Variants in MDM4 observed in about 807,000 individuals in gnomAD.
MDM4 encodes the protein MDM4 regulator of p53, also known as protein Mdm4.
In MDM4, 2 loss-of-function variants were observed where a neutral mutation model predicts 60.2. That is an observed-to-expected ratio of 0.03 (90% CI 0.01 to 0.10). The LOEUF is 0.10. Among genes scored for constraint, MDM4 ranks in the 10% least tolerant of loss-of-function variants. MDM4 has a pLI of 1.00. For missense variants in MDM4, 447 were observed against 577.5 expected (o/e 0.77, Z 2.32); for synonymous variants, 202 against 198.1 (o/e 1.02, Z -0.17).
intron 3 of MDM4, among the ~76,000 whole-genome samples, chr1:204,530,048 T>C (rs1660710060): frequency 6.6e-6 from 1 of 152,112 alleles, no homozygotes; most frequent in Non-Finnish European, 1.5e-5. Context: ...GGCTAAGTTT[T>C]GTATGTTATG....
At position 204,522,483 on chromosome 1, in the gene MDM4, C is replaced by T. The variant is rs189238793; in HGVS notation, c.-35-3001C>T. Among the ~76,000 whole-genome samples the T allele has an allele frequency of 7.0e-3, 1,070 of 151,928 alleles. 12 individuals carry two copies. The highest frequency in any genetic ancestry group is 0.024 in the African/African-American group (988 of 41,332). ...CACGATCTCGGCTCACTGCAACCTCCGCTTCCCAAGTTCAGGCGATTCTCC... is the reference window on the plus strand; with the variant it reads ...CACGATCTCGGCTCACTGCAACCTCTGCTTCCCAAGTTCAGGCGATTCTCC... On this transcript the variant is annotated intron_variant, in intron 1 of 10. Transcript: ENST00000367182.
At chr1:204,528,787 C>G in intron 3 of MDM4, 1 of 1,086,564 alleles carries the variant, frequency 9.2e-7, no homozygotes, top group Non-Finnish European at 1.4e-6. Flanking sequence ...GTACTTCTGT[C>G]ACTCTAGGAA....
Position 204,555,289 on chromosome 1 carries a change from G to T in MDM4, c.*5607G>T, listed in dbSNP as rs1663464272. On this transcript the variant is annotated 3_prime_UTR_variant, in exon 11 of 11. Transcript: ENST00000367182. ...CCTGCCTCAGCCTCCCTAGTAGCTG[G>T]GACTATAGGCGCCCGCCACCACGCC... 3 of 169,156 alleles carry T rather than the reference G, an allele frequency of 1.8e-5. No homozygotes were observed. Among genetic ancestry groups the T allele is most frequent in the South Asian group, 4.0e-4 (2 of 4,954 alleles). 10.5% of individuals were successfully genotyped at this position (169,156 alleles called of 1,614,324 possible). A position where few individuals can be genotyped will look rare whatever the true frequency, so the allele number is the denominator to read the frequency against.
At chr1:204,533,959 G>T (rs1391076457) in intron 5 of MDM4, among the ~76,000 whole-genome samples, 2 of 151,526 alleles carry the variant, frequency 1.3e-5, no homozygotes, top group African/African-American at 4.9e-5. Flanking sequence ...GGCTAATTTT[G>T]TTTTTTTGTA....
At chr1:204,535,349 G>A (rs1661293992) in intron 5 of MDM4, among the ~76,000 whole-genome samples, 1 of 151,624 alleles carries the variant, frequency 6.6e-6, no homozygotes, top group Non-Finnish European at 1.5e-5. Flanking sequence ...AGTAGAGACG[G>A]GGTTTCACCG....
At chr1:204,520,463 C>T (rs913766275) in intron 1 of MDM4, among the ~76,000 whole-genome samples, 1 of 149,288 alleles carries the variant, frequency 6.7e-6, no homozygotes, top group Admixed American at 6.7e-5. Context: ...AAAAGGAAAG[C>T]AAGGGAAATG....
At position 204,538,259 on chromosome 1, in the gene MDM4, T is replaced by G; in HGVS notation, c.462T>G (p.Asp154Glu). Residue 154 changes from aspartate to glutamate, a missense_variant, in exon 7 of 11, where the codon GAT (aspartate) becomes GAG (glutamate). Asp to Glu is a conservative substitution (Grantham distance 45). Coordinates refer to ENST00000367182, the MANE Select transcript of MDM4 (RefSeq NM_002393.5). ...STSRKRTTEDDIPTLPTSEHK... is the reference protein window; with the variant it reads ...STSRKRTTEDEIPTLPTSEHK... ...CCAGAAAAAGAACTACAGAAGACGA[T>G]ATCCCCACACTGCCTACCTCAGAGC... is the stretch of plus-strand genomic sequence containing the variant. 1 of 1,611,984 alleles carries G rather than the reference T, an allele frequency of 6.2e-7. No individual in the cohort carries two copies. Among genetic ancestry groups the G allele is most frequent in the Non-Finnish European group, 8.5e-7 (1 of 1,178,036 alleles).
chr1:204,524,700 C>A (rs574325108), intron 1 of MDM4, among the ~76,000 whole-genome samples: 46 of 152,346 alleles, frequency 3.0e-4, no homozygotes, highest in African/African-American at 1.1e-3. Context: ...TCGCTTGAAC[C>A]TGGGAAGCAG....
intron 10 of MDM4, among the ~76,000 whole-genome samples, chr1:204,547,488 A>G (rs1431493272): frequency 6.6e-6 from 1 of 152,166 alleles, no homozygotes; most frequent in Non-Finnish European, 1.5e-5. Flanking sequence ...CAGGTAACAC[A>G]CTATGGGAAA....
At position 204,526,513 on chromosome 1, in the gene MDM4, G is replaced by A. The variant is rs1446788685; in HGVS notation, c.153+79G>A. 5 of 1,045,452 alleles carry A rather than the reference G, an allele frequency of 4.8e-6. No homozygotes were observed. The African/African-American group carries it at 6.5e-5, about 14-fold the overall frequency. 64.8% of individuals were successfully genotyped at this position (1,045,452 alleles called of 1,614,324 possible). On this transcript the variant is annotated intron_variant, in intron 3 of 10. Coordinates refer to ENST00000367182, the MANE Select transcript of MDM4 (RefSeq NM_002393.5). ...GAGTCTCCCTCTTTTGCCCAGGCTGGAGTGCAGTGGTGCGATCTCAGATCA... is the reference window on the plus strand; with the variant it reads ...GAGTCTCCCTCTTTTGCCCAGGCTGAAGTGCAGTGGTGCGATCTCAGATCA...
In MDM4 at chr1:204,555,383, G is replaced by A. The variant is rs1663470762; in HGVS notation, c.*5701G>A. 1.3e-5 allele frequency: 2 copies of A among 157,404 alleles called. No individual in the cohort carries two copies. Among genetic ancestry groups the A allele is most frequent in the Non-Finnish European group, 2.8e-5 (2 of 71,112 alleles). 9.8% of individuals were successfully genotyped at this position (157,404 alleles called of 1,614,324 possible). A position where few individuals can be genotyped will look rare whatever the true frequency, so the allele number is the denominator to read the frequency against. On this transcript the variant is annotated 3_prime_UTR_variant, in exon 11 of 11. Coordinates refer to ENST00000367182, the MANE Select transcript of MDM4 (RefSeq NM_002393.5). ...TTAGCCAGGATGGTCTTGATCTCCT[G>A]ACCTCGTGATCTGCCCACCTCAGCC...
chr1:204,521,814 A>G (rs937548289), intron 1 of MDM4, among the ~76,000 whole-genome samples: 5 of 152,198 alleles, frequency 3.3e-5, no homozygotes, highest in African/African-American at 7.2e-5. Flanking sequence ...ATAAATAGAC[A>G]GTTACAAATT....
intron 1 of MDM4, 87 bp from the exon 2 acceptor site, chr1:204,525,397 T>C (rs556462700): frequency 4.8e-6 from 7 of 1,454,376 alleles, no homozygotes. Context: ...TATGTGTCTT[T>C]TACTTCTGCT....
intron 1 of MDM4, among the ~76,000 whole-genome samples, chr1:204,524,570 A>G (rs1300818025): frequency 6.6e-6 from 1 of 152,136 alleles, no homozygotes; most frequent in Non-Finnish European, 1.5e-5. Flanking sequence ...CGAGGTCAGG[A>G]ATTTGAGACC....
rs1444640965 is a variant in MDM4, at chr1:204,553,045, T to C, written c.*3363T>C. The C allele has an allele frequency of 1.2e-5, 2 of 166,584 alleles. No homozygotes were observed. Among genetic ancestry groups the C allele is most frequent in the Admixed American group, 1.3e-4 (2 of 15,522 alleles). The allele number at this position is 166,584 out of a possible 1,614,324, so 10.3% of individuals were successfully genotyped here. A position where few individuals can be genotyped will look rare whatever the true frequency, so the allele number is the denominator to read the frequency against. ...TGTGCACCACCATGTCTGGCTAATT[T>C]TGTATTTTTAGTAGAGATGGTTTCA... On this transcript the variant is annotated 3_prime_UTR_variant, in exon 11 of 11. Transcript: ENST00000367182.
intron 2 of MDM4, 106 bp from the exon 3 acceptor site, chr1:204,526,254 T>G: frequency 1.1e-6 from 1 of 949,472 alleles, no homozygotes; most frequent in Non-Finnish European, 1.6e-6. Context: ...AGACCTTGCC[T>G]CAAAAAACAA....
chr1:204,535,985 T>C (rs562848617), intron 5 of MDM4, among the ~76,000 whole-genome samples: 1 of 152,192 alleles, frequency 6.6e-6, no homozygotes, highest in South Asian at 2.1e-4. Context: ...GCTCCTGGCC[T>C]GTGCGGTGGC....
Position 204,546,838 on chromosome 1 carries a change from G to C in MDM4, c.864G>C (p.Lys288Asn), listed in dbSNP as rs528182432. ...VGKNDDLEDS[K>N]SLSDDTDVEV... The stretch of plus-strand genomic sequence containing the variant: ...AAAATGATGACCTGGAGGACTCTAA[G>C]TCCTTAAGTGATGATACCGATGTAG... Residue 288 changes from lysine to asparagine, a missense_variant, in exon 10 of 11, where the codon AAG becomes AAC. Around this residue, in one of 8 missense-constraint regions of MDM4, gnomAD observed 184 missense variants for 179.3 expected, o/e 1.03. Transcript: ENST00000367182. 1 of 1,613,396 alleles carries C rather than the reference G, an allele frequency of 6.2e-7. No homozygotes were observed. Among genetic ancestry groups the C allele is most frequent in the Non-Finnish European group, 8.5e-7 (1 of 1,179,472 alleles).
intron 1 of MDM4, among the ~76,000 whole-genome samples, chr1:204,516,971 G>A (rs1659039655): frequency 6.6e-6 from 1 of 152,164 alleles, no homozygotes; most frequent in African/African-American, 2.4e-5. Flanking sequence ...TTGGCGCGGT[G>A]GCTCACGCCT....
Sources: gnomAD v4.1 joint callset for allele counts (sites outside exome capture counted in the v4.1 genomes callset) on GRCh38, gnomAD v4.1.1 for gene constraint, gnomAD v4.1.1 regional missense constraint, MANE v1.5 for transcripts, NCBI Gene and HGNC (gene_info 2026-07-23, HGNC 2026-07-21) for gene names.